Variants in FHIP1B observed in about 807,000 individuals in gnomAD.
FHIP1B encodes the protein FHF complex subunit HOOK interacting protein 1B, also known as FHF complex subunit HOOK-interacting protein 1B.
Under a neutral mutation model 82.2 loss-of-function variants are expected in FHIP1B, and 28 were observed. That is an observed-to-expected ratio of 0.34 (90% CI 0.25 to 0.47). The LOEUF is 0.47. Ranked by LOEUF, FHIP1B falls within the 20% of genes least tolerant of loss-of-function variation. The pLI is 1.00. For synonymous variants in FHIP1B, 585 were observed against 516.1 expected, an observed-to-expected ratio of 1.13 and a Z score of -1.81; for missense variants, 1,110 against 1,262.6, an observed-to-expected ratio of 0.88 and a Z score of 1.83.
At chr11:6,218,182 G>A (rs745728623) in intron 8 of FHIP1B, 32 bp from the exon 9 acceptor site, 1 of 1,583,936 alleles carries the variant, frequency 6.3e-7, no homozygotes, top group East Asian at 2.3e-5. Flanking sequence ...GAGAAATCAA[G>A]GAGACAGAGG....
chr11:6,211,650 G>C lies in FHIP1B; in HGVS notation c.2775C>G (p.Val925=). The C allele has an allele frequency of 6.2e-7, 1 of 1,614,250 alleles. No individual in the cohort carries two copies. The highest frequency in any genetic ancestry group is 8.5e-7 in the Non-Finnish European group (1 of 1,180,050). The change falls in exon 12 of 12, where the codon GTC becomes GTG. Residue 925 remains valine, a synonymous_variant. Coordinates refer to ENST00000449352, the MANE Select transcript of FHIP1B (RefSeq NM_001098794.2). ...ATTCAGGGAAAATGACTGCACAGTA[G>C]ACAGCATTCTTGACTCGAAGAGCCT... ...QGEALRVKNA[V]YCAVIFPEFL...
intron 9 of FHIP1B, among the ~76,000 whole-genome samples, chr11:6,215,532 CT>C (rs1393792483): frequency 2.6e-5 from 4 of 152,154 alleles, no homozygotes; most frequent in African/African-American, 9.7e-5. Flanking sequence ...GACAAAGTAA[CT>C]ATGTGAGCCA....
rs759796766 is a variant in FHIP1B at position 6,211,802 on chromosome 11, G to A, written c.2623C>T (p.Arg875Trp). ...LRHAHSPTRARQAAQLVLQPG... is the reference protein window; with the variant it reads ...LRHAHSPTRAWQAAQLVLQPG... ...TGAAGGACCAATTGTGCCGCCTGCC[G>A]GGCCCTGGTTGGACTGTGTGCATGC... The change falls in exon 12 of 12, where the codon CGG (arginine) becomes TGG (tryptophan). Residue 875 changes from arginine (R) to tryptophan (W), a missense_variant. Coordinates refer to ENST00000449352, the MANE Select transcript of FHIP1B (RefSeq NM_001098794.2). The A allele has an allele frequency of 1.5e-5, 24 of 1,612,622 alleles. No individual in the cohort carries two copies. The highest frequency in any genetic ancestry group is 4.0e-5 in the African/African-American group (3 of 74,886).
chr11:6,213,799 A>T (rs992636869), intron 11 of FHIP1B, among the ~76,000 whole-genome samples: 3 of 152,220 alleles, frequency 2.0e-5, no homozygotes, highest in African/African-American at 2.4e-5. Context: ...TCTACATTAT[A>T]GCAGAAGCCT....
chr11:6,217,486 C>A lies in FHIP1B; in HGVS notation c.2100G>T (p.Leu700=), dbSNP rs1319712495. ...TGSESPLEPP[L]PLEEEEAYES... ...CGTAGGCCTCCTCCTCCTCAAGGGG[C>A]AGTGGAGGTTCTAAGGGGGACTCTG... The change falls in exon 9 of 12, where the codon CTG becomes CTT. Residue 700 remains leucine (L), a synonymous_variant. Coordinates refer to ENST00000449352, the MANE Select transcript of FHIP1B (RefSeq NM_001098794.2). The A allele has an allele frequency of 6.2e-7, 1 of 1,613,420 alleles. No individual in the cohort carries two copies. The highest frequency in any genetic ancestry group is 8.5e-7 in the Non-Finnish European group (1 of 1,179,662).
In FHIP1B at chr11:6,214,468, A is replaced by G. The variant is rs762322159; in HGVS notation, c.2500T>C (p.Leu834=). The stretch of plus-strand genomic sequence containing the variant: ...GCTGCAGGGCCCTCAGCCCAGTCCA[A>G]CTTGCCACGGGCAATGAGGTACTTC... The part of the protein sequence containing the change: ...AKKYLIARGK[L]DWAEGPAAGP... The change falls in exon 11 of 12, where the codon TTG becomes CTG. Residue 834 remains leucine (L), a synonymous_variant. Coordinates refer to ENST00000449352, the MANE Select transcript of FHIP1B (RefSeq NM_001098794.2). The G allele has an allele frequency of 5.1e-5, 83 of 1,613,958 alleles. No homozygotes were observed. Among genetic ancestry groups the G allele is most frequent in the Non-Finnish European group, 6.6e-5 (78 of 1,180,020 alleles).
chr11:6,230,876 C>G (rs1166064800), intron 1 of FHIP1B, among the ~76,000 whole-genome samples: 1 of 152,206 alleles, frequency 6.6e-6, no homozygotes, highest in Non-Finnish European at 1.5e-5. Flanking sequence ...TTTTAGGGAA[C>G]TGTGAACAAT....
chr11:6,215,686 G>A (rs970695235), intron 9 of FHIP1B, among the ~76,000 whole-genome samples: 2 of 152,218 alleles, frequency 1.3e-5, no homozygotes, highest in African/African-American at 4.8e-5. Flanking sequence ...ACTGAGGACA[G>A]ACTCTTTGGT....
intron 1 of FHIP1B, among the ~76,000 whole-genome samples, chr11:6,226,604 G>A (rs758237024): frequency 5.9e-5 from 9 of 152,124 alleles, no homozygotes; most frequent in Admixed American, 1.3e-4. Flanking sequence ...AAAACAGTAC[G>A]TACAAAACTA....
At chr11:6,214,357 G>C (rs1291481414) in intron 11 of FHIP1B, 54 bp downstream of exon 11, 1 of 1,534,456 alleles carries the variant, frequency 6.5e-7, no homozygotes, top group African/African-American at 1.4e-5. Flanking sequence ...AATTAACCTG[G>C]GTTAATAGGC....
At chr11:6,222,417 G>C (rs781575569) in intron 6 of FHIP1B, 25 bp downstream of exon 6, 1 of 1,612,468 alleles carries the variant, frequency 6.2e-7, no homozygotes, top group Non-Finnish European at 8.5e-7. Flanking sequence ...ATCCAGGTAA[G>C]CTAGGACAGG....
At chr11:6,212,436 TCA>T (rs1269915820) in intron 11 of FHIP1B, among the ~76,000 whole-genome samples, 1 of 152,208 alleles carries the variant, frequency 6.6e-6, no homozygotes, top group Non-Finnish European at 1.5e-5. Context: ...CAATTATAGT[TCA>T]GTGACAATTT....
intron 7 of FHIP1B, 32 bp downstream of exon 7, chr11:6,218,939 C>T (rs527738340): frequency 6.2e-7 from 1 of 1,609,846 alleles, no homozygotes; most frequent in South Asian, 1.1e-5. Flanking sequence ...GCTTCAGGGT[C>T]AGCCATCCCT....
chr11:6,223,763 G>A lies in FHIP1B; in HGVS notation c.624C>T (p.Pro208=), dbSNP rs377195551. The change falls in exon 3 of 12, where the codon CCC becomes CCT. Residue 208 remains proline, a synonymous_variant. Coordinates refer to ENST00000449352, the MANE Select transcript of FHIP1B (RefSeq NM_001098794.2). The surrounding 1 kb of genome is among the most constrained non-coding windows in gnomAD (Gnocchi z 4.8). ...LQPPPEPGAA[P]RLLLFSRLVP... ...CAAGGCGAGAAAAGAGAAGAAGACG[G>A]GGAGCGGCTCCAGGCTCAGGAGGTG... 1.2e-6 allele frequency: 2 copies of A among 1,614,108 alleles called. No individual in the cohort carries two copies. Among genetic ancestry groups the A allele is most frequent in the African/African-American group, 2.7e-5 (2 of 74,946 alleles).
chr11:6,223,882 T>C lies in FHIP1B; in HGVS notation c.505A>G (p.Ser169Gly), dbSNP rs373231374. 16 of 1,614,112 alleles carry C rather than the reference T, an allele frequency of 9.9e-6. No individual in the cohort carries two copies. In the African/African-American group the frequency reaches 2.0e-4, roughly 20 times the overall value. The part of the protein sequence containing the change: ...LDACGRPVPS[S>G]PALDEGLVLL... Reference sequence around the variant, plus strand: ...ACCAAGCCTTCATCCAGTGCTGGGCTACTGGGCACAGGGCGGCCACAGGCA... The same window carrying C: ...ACCAAGCCTTCATCCAGTGCTGGGCCACTGGGCACAGGGCGGCCACAGGCA... Residue 169 changes from serine to glycine, a missense_variant, in exon 3 of 12, where the codon AGC (serine) becomes GGC (glycine). Coordinates refer to ENST00000449352, the MANE Select transcript of FHIP1B (RefSeq NM_001098794.2). This position sits in a 1 kb window ranked among gnomAD's most constrained non-coding sequence, Gnocchi z 4.8.
rs1220260670 is a variant in FHIP1B at position 6,223,009 on chromosome 11, G to C, written c.936+71C>G. The C allele has an allele frequency of 3.2e-6, 5 of 1,578,306 alleles. No individual in the cohort carries two copies. Among genetic ancestry groups the C allele is most frequent in the Non-Finnish European group, 1.7e-6 (2 of 1,156,334 alleles). ...CTACTTCCAAGATGGAAAAATGACAGAACTCCAGGGAATATACCCCCTCCT... is the reference window on the plus strand; with the variant it reads ...CTACTTCCAAGATGGAAAAATGACACAACTCCAGGGAATATACCCCCTCCT... On this transcript the variant is annotated intron_variant, in intron 4 of 11. Coordinates refer to ENST00000449352, the MANE Select transcript of FHIP1B (RefSeq NM_001098794.2). The surrounding 1 kb of genome is among the most constrained non-coding windows in gnomAD (Gnocchi z 4.8).
rs200262947 is a variant in FHIP1B at position 6,211,787 on chromosome 11, A to G, written c.2638T>C (p.Leu880=). The G allele has an allele frequency of 9.9e-6, 16 of 1,613,866 alleles. No homozygotes were observed. In the East Asian group the frequency reaches 2.2e-4, roughly 22 times the overall value. Reference sequence around the variant, plus strand: ...CCGTCTCGCCCAGGCTGAAGGACCAATTGTGCCGCCTGCCGGGCCCTGGTT... The same window carrying G: ...CCGTCTCGCCCAGGCTGAAGGACCAGTTGTGCCGCCTGCCGGGCCCTGGTT... ...SPTRARQAAQ[L]VLQPGRDGAG... Residue 880 remains leucine (L), a synonymous_variant, in exon 12 of 12, where the codon TTG becomes CTG. Transcript: ENST00000449352.
At chr11:6,216,969 G>C in intron 9 of FHIP1B, 3 of 644,046 alleles carry the variant, frequency 4.7e-6, no homozygotes, top group Non-Finnish European at 8.4e-6. Context: ...ATGGCATAGA[G>C]AGTGTTTAGG....
intron 1 of FHIP1B, among the ~76,000 whole-genome samples, chr11:6,232,353 C>G (rs1847720234): frequency 6.6e-6 from 1 of 152,212 alleles, no homozygotes; most frequent in African/African-American, 2.4e-5. Context: ...TTATATATAC[C>G]TGTTCCAATG....
Sources: allele counts gnomAD v4.1 joint callset (sites outside exome capture counted in the v4.1 genomes callset), GRCh38; gene constraint gnomAD v4.1.1; non-coding constraint Gnocchi (gnomAD v3.1); transcripts MANE v1.5; gene names NCBI Gene and HGNC (gene_info 2026-07-23, HGNC 2026-07-21).